Variants in TRPM3 observed in about 807,000 individuals in gnomAD.
The protein encoded by TRPM3 is long transient receptor potential channel 3.
In TRPM3, 77 loss-of-function variants were observed where a neutral mutation model predicts 181.2. That is an observed-to-expected ratio of 0.42 (90% CI 0.35 to 0.51). The LOEUF is 0.51. Ranked by LOEUF, TRPM3 falls within the 20% of genes least tolerant of loss-of-function variation. The pLI, the probability that TRPM3 is intolerant of heterozygous loss-of-function variation, is 0.01. For missense variants in TRPM3, 1,759 were observed against 2,196.7 expected, an observed-to-expected ratio of 0.80 and a Z score of 3.98; for synonymous variants, 745 against 796.4, an observed-to-expected ratio of 0.94 and a Z score of 1.09.
chr9:71,250,050 G>A (rs2082253911), intron 1 of TRPM3, among the ~76,000 whole-genome samples: 1 of 152,116 alleles, frequency 6.6e-6, no homozygotes, highest in African/African-American at 2.4e-5. Context: ...TTGACATTAA[G>A]AGAATACACT....
chr9:71,226,507 C>T (rs910834573), intron 1 of TRPM3, among the ~76,000 whole-genome samples: 3 of 151,370 alleles, frequency 2.0e-5, no homozygotes, highest in Non-Finnish European at 4.4e-5. Context: ...CAAATGGAAA[C>T]CAAAAAAGAA....
At chr9:70,906,407 G>C (rs1006258519) in intron 1 of TRPM3, among the ~76,000 whole-genome samples, 1 of 152,242 alleles carries the variant, frequency 6.6e-6, no homozygotes, top group Middle Eastern at 3.4e-3. Flanking sequence ...CTGAAAGAGA[G>C]GGCCGAAATC....
chr9:71,019,306 T>C (rs1377218281), intron 1 of TRPM3, among the ~76,000 whole-genome samples: 1 of 151,958 alleles, frequency 6.6e-6, no homozygotes. Context: ...AAGGAACTAA[T>C]AAATCTGTTA....
At chr9:70,695,046 C>T (rs1390506049) in intron 8 of TRPM3, among the ~76,000 whole-genome samples, 1 of 152,216 alleles carries the variant, frequency 6.6e-6, no homozygotes, top group Non-Finnish European at 1.5e-5. Flanking sequence ...GAGCAATGCT[C>T]AAGCCTTTTA....
chr9:70,745,236 G>A (rs980421615), intron 8 of TRPM3, among the ~76,000 whole-genome samples: 2 of 151,996 alleles, frequency 1.3e-5, no homozygotes, highest in African/African-American at 2.4e-5. Flanking sequence ...GACATACGGA[G>A]GTTAAATAAC....
At chr9:71,377,321 C>A (rs1001549194) in intron 1 of TRPM3, among the ~76,000 whole-genome samples, 1 of 152,052 alleles carries the variant, frequency 6.6e-6, no homozygotes, top group Non-Finnish European at 1.5e-5. Flanking sequence ...GGAATATTAA[C>A]CACCATCCAA....
intron 8 of TRPM3, among the ~76,000 whole-genome samples, chr9:70,692,813 G>T (rs546845586): frequency 2.2e-4 from 34 of 152,338 alleles, no homozygotes; most frequent in Admixed American, 8.5e-4. Flanking sequence ...GCAGTGCAGT[G>T]CTGGCTTATA....
chr9:71,083,434 C>CT (rs2064725640), intron 1 of TRPM3, among the ~76,000 whole-genome samples: 1 of 152,054 alleles, frequency 6.6e-6, no homozygotes, highest in South Asian at 2.1e-4. Flanking sequence ...AGCCAGTCCT[C>CT]TTCCCGATCC....
chr9:70,672,262 A>G (rs1350576035), intron 9 of TRPM3, among the ~76,000 whole-genome samples: 1 of 152,124 alleles, frequency 6.6e-6, no homozygotes, highest in Non-Finnish European at 1.5e-5. Flanking sequence ...ATCCAAGATG[A>G]GCAAATTCAA....
intron 1 of TRPM3, among the ~76,000 whole-genome samples, chr9:71,134,419 G>A (rs1411325014): frequency 6.6e-6 from 1 of 151,934 alleles, no homozygotes; most frequent in African/African-American, 2.4e-5. Context: ...GGGTGTGATG[G>A]TGTGCACCTG....
intron 1 of TRPM3, among the ~76,000 whole-genome samples, chr9:70,989,576 TG>T (rs2097456713): frequency 6.6e-6 from 1 of 152,008 alleles, no homozygotes; most frequent in Admixed American, 6.6e-5. Context: ...GGGTTTGGGG[TG>T]GGGGTAGGAT....
At chr9:71,154,570 C>G (rs2075891025) in intron 1 of TRPM3, among the ~76,000 whole-genome samples, 1 of 152,108 alleles carries the variant, frequency 6.6e-6, no homozygotes, top group Admixed American at 6.6e-5. Flanking sequence ...TCAAAATAAT[C>G]TATCTGAAGA....
chr9:71,171,740 C>T (rs1587770420), intron 1 of TRPM3, among the ~76,000 whole-genome samples: 1 of 152,268 alleles, frequency 6.6e-6, no homozygotes, highest in East Asian at 1.9e-4. Context: ...ATTACTCAGG[C>T]TGTGAACTGC....
chr9:70,537,060 G>A lies in TRPM3; in HGVS notation c.4053C>T (p.Phe1351=), dbSNP rs778979015. Residue 1351 remains phenylalanine (F), a synonymous_variant, in exon 26 of 26, where the codon TTC becomes TTT. Coordinates refer to ENST00000677713, the MANE Select transcript of TRPM3 (RefSeq NM_001366145.2). ...TLMPRMRSHS[F]YSVNMKDKGG... ...CTTTGTCTTTCATATTGACCGAATA[G>A]AAAGAATGGCTTCGCATACGGGGCA... 3.7e-6 allele frequency: 6 copies of A among 1,612,296 alleles called. No individual in the cohort carries two copies. The African/African-American group carries it at 8.0e-5, about 22-fold the overall frequency.
At chr9:70,870,679 T>G (rs1020426204) in intron 1 of TRPM3, among the ~76,000 whole-genome samples, 4 of 152,022 alleles carry the variant, frequency 2.6e-5, no homozygotes, top group African/African-American at 7.2e-5. Context: ...TTGGTGGTGA[T>G]AATCAGGTTT....
At chr9:70,908,330 T>A (rs1053337732) in intron 1 of TRPM3, among the ~76,000 whole-genome samples, 1 of 152,200 alleles carries the variant, frequency 6.6e-6, no homozygotes, top group African/African-American at 2.4e-5. Context: ...TATTAAATCA[T>A]TTCAATAGAA....
exon 1 of TRPM3, chr9:71,446,751 G>C (rs1326097182): frequency 6.4e-7 from 1 of 1,550,540 alleles, no homozygotes; most frequent in Non-Finnish European, 8.7e-7. Flanking sequence ...CTGGCGCTCC[G>C]GCTGCGTCTG....
chr9:71,284,902 G>A (rs936910856), intron 1 of TRPM3, among the ~76,000 whole-genome samples: 3 of 152,156 alleles, frequency 2.0e-5, no homozygotes, highest in Non-Finnish European at 4.4e-5. Context: ...TCTGAATTTT[G>A]TATCACACTT....
At chr9:71,059,817 G>A (rs568401123) in intron 1 of TRPM3, among the ~76,000 whole-genome samples, 41 of 152,002 alleles carry the variant, frequency 2.7e-4, no homozygotes, top group African/African-American at 8.7e-4. Flanking sequence ...CAAATTATAC[G>A]AGCCAATCCC....
Sources: gnomAD v4.1 joint callset for allele counts (sites outside exome capture counted in the v4.1 genomes callset) on GRCh38, gnomAD v4.1.1 for gene constraint, MANE v1.5 for transcripts, NCBI Gene and HGNC (gene_info 2026-07-23, HGNC 2026-07-21) for gene names.